The following KCNN2 variants were observed in gnomAD, a reference collection of about 807,000 sequenced individuals.
KCNN2 encodes small conductance calcium-activated potassium channel protein 2.
Under a neutral mutation model 55.5 loss-of-function variants are expected in KCNN2, and 24 were observed. The observed-to-expected ratio is 0.43, with a 90% CI of 0.31 to 0.61. The LOEUF is 0.61. Ranked by LOEUF, KCNN2 falls within the 20% of genes least tolerant of loss-of-function variation. KCNN2 has a pLI of 0.08. For synonymous variants in KCNN2, 431 were observed against 336.1 expected, an observed-to-expected ratio of 1.28 and a Z score of -3.09; for missense variants, 754 against 853.6, an observed-to-expected ratio of 0.88 and a Z score of 1.45.
intron 2 of KCNN2, among the ~76,000 whole-genome samples, chr5:114,340,306 A>T (rs1756993516): frequency 6.6e-6 from 1 of 152,192 alleles, no homozygotes; most frequent in Non-Finnish European, 1.5e-5. Flanking sequence ...TCCACTTGAC[A>T]ACCAAATTAC....
intron 2 of KCNN2, among the ~76,000 whole-genome samples, chr5:114,386,380 A>G (rs1186951487): frequency 2.0e-5 from 3 of 151,776 alleles, no homozygotes; most frequent in Admixed American, 6.6e-5. Context: ...GGGCTGGTAT[A>G]TGATATAAGC....
At chr5:114,332,895 A>T (rs1756848990) in intron 2 of KCNN2, among the ~76,000 whole-genome samples, 1 of 152,180 alleles carries the variant, frequency 6.6e-6, no homozygotes, top group Non-Finnish European at 1.5e-5. Context: ...TTTAACCCAA[A>T]ATATAACCTG....
chr5:114,452,682 C>T (rs1366002734), intron 3 of KCNN2, among the ~76,000 whole-genome samples: 2 of 152,114 alleles, frequency 1.3e-5, no homozygotes, highest in South Asian at 2.1e-4. Context: ...TCATTGTTTA[C>T]GGATGGGGCT....
At chr5:114,278,712 A>C (rs1054551737) in intron 2 of KCNN2, among the ~76,000 whole-genome samples, 1 of 152,198 alleles carries the variant, frequency 6.6e-6, no homozygotes, top group Non-Finnish European at 1.5e-5. Flanking sequence ...GCCGGTTGCG[A>C]AGACCATGGG....
At chr5:114,104,020 C>T (rs889420444) in intron 1 of KCNN2, among the ~76,000 whole-genome samples, 1 of 152,076 alleles carries the variant, frequency 6.6e-6, no homozygotes, top group Non-Finnish European at 1.5e-5. Flanking sequence ...CTCTTTTTAG[C>T]TCTGGGAGAA....
intron 3 of KCNN2, among the ~76,000 whole-genome samples, chr5:114,461,799 C>T (rs1393651777): frequency 6.6e-6 from 1 of 151,792 alleles, no homozygotes; most frequent in Non-Finnish European, 1.5e-5. Context: ...TCCTGGGGCT[C>T]TGGCTAGGAG....
intron 1 of KCNN2, among the ~76,000 whole-genome samples, chr5:114,139,125 T>A: frequency 6.6e-6 from 1 of 152,188 alleles, no homozygotes; most frequent in Non-Finnish European, 1.5e-5. Flanking sequence ...ATTTAGTAAC[T>A]AATCCATTTA....
chr5:114,175,751 CTT>C (rs1197687955), intron 1 of KCNN2, among the ~76,000 whole-genome samples: 1 of 152,116 alleles, frequency 6.6e-6, no homozygotes, highest in Non-Finnish European at 1.5e-5. Context: ...TATTTTAATT[CTT>C]TTGTGACTTA....
At chr5:114,132,001 T>C (rs1752081390) in intron 1 of KCNN2, among the ~76,000 whole-genome samples, 1 of 152,214 alleles carries the variant, frequency 6.6e-6, no homozygotes, top group African/African-American at 2.4e-5. Context: ...TAAATTTGTC[T>C]AAGTTCCTTG....
At chr5:114,297,148 A>T (rs894257816) in intron 2 of KCNN2, among the ~76,000 whole-genome samples, 1 of 152,132 alleles carries the variant, frequency 6.6e-6, no homozygotes, top group African/African-American at 2.4e-5. Context: ...TATTCAGATC[A>T]TTTATTTTAT....
chr5:114,390,016 G>A (rs948712059), intron 2 of KCNN2, among the ~76,000 whole-genome samples: 2 of 152,094 alleles, frequency 1.3e-5, no homozygotes, highest in African/African-American at 4.8e-5. Flanking sequence ...TCAATTGCCT[G>A]TGCTTTAACT....
chr5:114,170,494 A>T (rs1228958525), intron 1 of KCNN2, among the ~76,000 whole-genome samples: 2 of 151,946 alleles, frequency 1.3e-5, no homozygotes, highest in South Asian at 2.1e-4. Context: ...TAGACCAGAA[A>T]TTTTTTCAAA....
At chr5:114,121,092 G>T (rs1198471629) in intron 1 of KCNN2, among the ~76,000 whole-genome samples, 1 of 152,222 alleles carries the variant, frequency 6.6e-6, no homozygotes, top group Non-Finnish European at 1.5e-5. Flanking sequence ...AGGGTGTCCT[G>T]AACCTGGGTT....
intron 4 of KCNN2, among the ~76,000 whole-genome samples, chr5:114,470,999 A>C (rs557986049): frequency 1.3e-5 from 2 of 152,348 alleles, no homozygotes; most frequent in South Asian, 4.1e-4. Flanking sequence ...AAGTTATACC[A>C]GTTACACAAT....
At chr5:114,140,029 A>G (rs80139893) in intron 1 of KCNN2, among the ~76,000 whole-genome samples, 1,796 of 152,146 alleles carry the variant, frequency 0.012, 36 homozygotes, top group African/African-American at 0.04. Flanking sequence ...CTTCTCACCT[A>G]CTGTTTTTGT....
chr5:114,208,629 C>A (rs1422775163), intron 1 of KCNN2, among the ~76,000 whole-genome samples: 1 of 152,118 alleles, frequency 6.6e-6, no homozygotes, highest in African/African-American at 2.4e-5. Context: ...ATCAGAATCT[C>A]TGGGGTGAAG....
chr5:114,366,190 T>C (rs1757594767), intron 2 of KCNN2, among the ~76,000 whole-genome samples: 1 of 152,240 alleles, frequency 6.6e-6, no homozygotes, highest in African/African-American at 2.4e-5. Context: ...TATGCACATA[T>C]ATTTTGATTA....
At chr5:114,162,029 G>C (rs1056111719) in intron 1 of KCNN2, among the ~76,000 whole-genome samples, 1 of 152,180 alleles carries the variant, frequency 6.6e-6, no homozygotes, top group African/African-American at 2.4e-5. Flanking sequence ...GTCCAGCTTT[G>C]TTCCATTGCT....
rs546438287 is a variant in KCNN2 at position 114,397,760 on chromosome 5, G to A, written c.1219-6678G>A. Among the ~76,000 whole-genome samples the A allele has an allele frequency of 7.2e-5, 11 of 152,188 alleles. No homozygotes were observed. The East Asian group carries it at 9.6e-4, about 13-fold the overall frequency. On this transcript the variant is annotated intron_variant, in intron 2 of 7. Transcript: ENST00000673685. ...TCAGATAGTATCTCATTGTGGTTTC[G>A]ATTTGCCTTTCTCTGATGATTAGTG...
Sources: gnomAD v4.1 joint callset for allele counts (sites outside exome capture counted in the v4.1 genomes callset) on GRCh38, gnomAD v4.1.1 for gene constraint, MANE v1.5 for transcripts, NCBI Gene and HGNC (gene_info 2026-07-23, HGNC 2026-07-21) for gene names.